The following P2RX7 variants were observed in gnomAD, a reference collection of about 807,000 sequenced individuals.
P2RX7 encodes purinergic receptor P2X 7.
P2RX7 carries 62 observed loss-of-function variants against 71.6 expected under a neutral mutation model. That is an observed-to-expected ratio of 0.87 (90% CI 0.71 to 1.07). P2RX7 has a LOEUF of 1.07. Among genes scored for constraint, P2RX7 ranks in the 50% least tolerant of loss-of-function variants. P2RX7 has a pLI of 0.00. For synonymous variants in P2RX7, 299 were observed against 283.3 expected (o/e 1.06, Z -0.56); for missense variants, 686 against 748.5 (o/e 0.92, Z 0.97).
intron 8 of P2RX7, among the ~76,000 whole-genome samples, chr12:121,172,012 C>T (rs1882297303): frequency 6.6e-6 from 1 of 152,066 alleles, no homozygotes; most frequent in South Asian, 2.1e-4. Flanking sequence ...CAGGTGCCCG[C>T]CACCACACCC....
intron 2 of P2RX7, chr12:121,155,171 A>G: frequency 1.3e-6 from 2 of 1,497,422 alleles, no homozygotes; most frequent in African/African-American, 1.4e-5. Context: ...GGTTTCTCAA[A>G]ATAGCCTCAT....
At chr12:121,162,333 G>C in intron 4 of P2RX7, 91 bp from the exon 5 acceptor site, 2 of 1,534,556 alleles carry the variant, frequency 1.3e-6, no homozygotes, top group Non-Finnish European at 1.8e-6. Context: ...CTAGTCTCTC[G>C]CCCGGGTTGA....
At chr12:121,175,672 G>C (rs1328652900) in intron 9 of P2RX7, among the ~76,000 whole-genome samples, 194 bp downstream of exon 9, 1 of 152,156 alleles carries the variant, frequency 6.6e-6, no homozygotes, top group Non-Finnish European at 1.5e-5. Context: ...GAGTACAGGA[G>C]TGGGCCTGGA....
intron 1 of P2RX7, among the ~76,000 whole-genome samples, chr12:121,147,914 A>G (rs1404561353): frequency 6.6e-6 from 1 of 152,038 alleles, no homozygotes; most frequent in Non-Finnish European, 1.5e-5. Context: ...AGCCCAGCCA[A>G]AATGGGCCGT....
At position 121,177,155 on chromosome 12, in the gene P2RX7, A is replaced by C; in HGVS notation, c.981A>C (p.Lys327Asn). 1.2e-6 allele frequency: 2 copies of C among 1,614,086 alleles called. No individual in the cohort carries two copies. The highest frequency in any genetic ancestry group is 2.2e-5 in the East Asian group (1 of 44,882). ...TCCCACTCTGTTTTTAGGGAGGAAAATTTGACATTATCCAGCTGGTTGTGT... is the reference window on the plus strand; with the variant it reads ...TCCCACTCTGTTTTTAGGGAGGAAACTTTGACATTATCCAGCTGGTTGTGT... ...FDILVFGTGG[K>N]FDIIQLVVYI... is the part of the protein sequence containing the mutation. The change falls in exon 10 of 13, where the codon AAA becomes AAC. Residue 327 changes from lysine (K) to asparagine (N), a missense_variant. Lys to Asn is a moderately conservative substitution (Grantham distance 94, BLOSUM62 0). Coordinates refer to ENST00000328963, the MANE Select transcript of P2RX7 (RefSeq NM_002562.6).
chr12:121,165,346 C>T lies in P2RX7; in HGVS notation c.534-11C>T, dbSNP rs1373862267. ...CGTCACTAATGGCCATTTTGCATGT[C>T]TCTCTCCCAGGCCTGCTCTCTTGAA... is the stretch of plus-strand genomic sequence containing the variant. On this transcript the variant is annotated splice_polypyrimidine_tract_variant and intron_variant, in intron 5 of 12. Coordinates refer to ENST00000328963, the MANE Select transcript of P2RX7 (RefSeq NM_002562.6). 1 of 1,612,456 alleles carries T rather than the reference C, an allele frequency of 6.2e-7. No homozygotes were observed. The highest frequency in any genetic ancestry group is 8.5e-7 in the Non-Finnish European group (1 of 1,178,686).
chr12:121,167,611 G>C lies in P2RX7; in HGVS notation c.868G>C (p.Gly290Arg), dbSNP rs202075483. The C allele has an allele frequency of 4.9e-5, 78 of 1,586,440 alleles. 2 individuals carry two copies. The highest frequency in any genetic ancestry group is 3.4e-4 in the Middle Eastern group (2 of 5,968). The change falls in exon 8 of 13, where the codon GGC (glycine) becomes CGC (arginine). Residue 290 changes from glycine (G) to arginine (R), a missense_variant. Gly to Arg is a moderately radical substitution (Grantham distance 125, BLOSUM62 -2). Coordinates refer to ENST00000328963, the MANE Select transcript of P2RX7 (RefSeq NM_002562.6). ...GACCACCAACGTGTCCTTGTACCCT[G>C]GCTACAACTTCAGGTAACTCCAAGG... ...DKTTNVSLYP[G>R]YNFRYAKYYK...
At chr12:121,133,223 C>A in intron 1 of P2RX7, 128 bp downstream of exon 1, 1 of 1,093,314 alleles carries the variant, frequency 9.1e-7, no homozygotes, top group Non-Finnish European at 1.4e-6. Context: ...CTCTCACAGC[C>A]AGCTGGGCGG....
At chr12:121,159,417 CAA>C (rs397850013) in intron 3 of P2RX7, among the ~76,000 whole-genome samples, 18 of 65,744 alleles carry the variant, frequency 2.7e-4, no homozygotes, top group Non-Finnish European at 2.5e-4. Context: ...ACTCTGTCTC[CAA>C]AAAAAAAAAA....
intron 12 of P2RX7, among the ~76,000 whole-genome samples, chr12:121,183,434 G>T (rs1457567823): frequency 2.0e-5 from 3 of 150,566 alleles, no homozygotes. Flanking sequence ...AGCCGGGTGT[G>T]GTGGTGCGCG....
chr12:121,168,218 T>C (rs1020529435), intron 8 of P2RX7, among the ~76,000 whole-genome samples: 1 of 151,970 alleles, frequency 6.6e-6, no homozygotes, highest in Non-Finnish European at 1.5e-5. Context: ...TAACATTCCA[T>C]TTTGTAGGTG....
At position 121,133,021 on chromosome 12, in the gene P2RX7, A is replaced by G; in HGVS notation, c.51A>G (p.Lys17=). 6.2e-7 allele frequency: 1 copy of G among 1,614,040 alleles called. No homozygotes were observed. Among genetic ancestry groups the G allele is most frequent in the African/African-American group, 1.3e-5 (1 of 75,008 alleles). Residue 17 remains lysine (K), a synonymous_variant, in exon 1 of 13, where the codon AAA becomes AAG. Transcript: ENST00000328963. ...ATGTTTTCCAGTATGAGACGAACAAAGTCACTCGGATCCAGAGCATGAATT... is the reference window on the plus strand; with the variant it reads ...ATGTTTTCCAGTATGAGACGAACAAGGTCACTCGGATCCAGAGCATGAATT... ...CSDVFQYETN[K]VTRIQSMNYG...
At chr12:121,177,049 T>G in intron 9 of P2RX7, 98 bp from the exon 10 acceptor site, 1 of 1,019,358 alleles carries the variant, frequency 9.8e-7, no homozygotes, top group Non-Finnish European at 1.5e-6. Context: ...AGTCACAGCA[T>G]GAGGCTCCGC....
At position 121,167,529 on chromosome 12, in the gene P2RX7, A is replaced by T; in HGVS notation, c.786A>T (p.Leu262=). The change falls in exon 8 of 13, where the codon CTA becomes CTT. Residue 262 remains leucine (L), a synonymous_variant. Transcript: ENST00000328963. ...TTGAGATCTACTGGGACTGCAACCT[A>T]GACCGTTGGTTCCATCACTGCCGTC... ...MGIEIYWDCN[L]DRWFHHCRPK... 4 of 1,613,894 alleles carry T rather than the reference A, an allele frequency of 2.5e-6. No individual in the cohort carries two copies. The highest frequency in any genetic ancestry group is 3.4e-6 in the Non-Finnish European group (4 of 1,179,878).
Position 121,154,276 on chromosome 12 carries a change from G to A in P2RX7, c.126-509G>A, listed in dbSNP as rs1475945417. ...TTGCACTCCAGTCTGGGCAACAAGA[G>A]CAAAACTCTGTTTCAAAAAAAAAAA... On this transcript the variant is annotated intron_variant, in intron 1 of 12. Transcript: ENST00000328963. The surrounding 1 kb of genome is among the most constrained non-coding windows in gnomAD (Gnocchi z 4.2). Among the ~76,000 whole-genome samples the A allele has an allele frequency of 6.7e-6, 1 of 149,058 alleles. No individual in the cohort carries two copies. The highest frequency in any genetic ancestry group is 1.5e-5 in the Non-Finnish European group (1 of 67,574).
At chr12:121,175,320 A>AAAAAAAAC in intron 8 of P2RX7, 68 bp from the exon 9 acceptor site, 1 of 961,048 alleles carries the variant, frequency 1.0e-6, no homozygotes, top group Non-Finnish European at 1.6e-6. Context: ...CAAAAAAAAA[A>AAAAAAAAC]AAAAAAAAAC....
intron 12 of P2RX7, among the ~76,000 whole-genome samples, chr12:121,181,422 C>CAG (rs1287326057): frequency 6.6e-6 from 1 of 152,152 alleles, no homozygotes; most frequent in African/African-American, 2.4e-5. Context: ...AGTCATAAGG[C>CAG]AGACATATGT....
intron 3 of P2RX7, among the ~76,000 whole-genome samples, chr12:121,157,792 G>A (rs1245809178): frequency 6.6e-6 from 1 of 152,254 alleles, no homozygotes; most frequent in Admixed American, 6.5e-5. Flanking sequence ...GTGCCAAGTT[G>A]TGTGCATCTG....
Position 121,185,052 on chromosome 12 carries a change from T to G in P2RX7, c.*250T>G. 1 of 370,876 alleles carries G rather than the reference T, an allele frequency of 2.7e-6. No individual in the cohort carries two copies. Among genetic ancestry groups the G allele is most frequent in the Non-Finnish European group, 4.9e-6 (1 of 205,644 alleles). The allele number at this position is 370,876 out of a possible 1,614,324, so 23.0% of individuals were successfully genotyped here. On this transcript the variant is annotated 3_prime_UTR_variant, in exon 13 of 13. Transcript: ENST00000328963. ...GTGAGCCCAGATTGTGCCACTGCTC[T>G]CCAGCCTGGGAGGCACAGCAAACTG...
Sources: gnomAD v4.1 joint callset for allele counts (sites outside exome capture counted in the v4.1 genomes callset) on GRCh38, gnomAD v4.1.1 for gene constraint, Gnocchi (gnomAD v3.1) non-coding constraint, MANE v1.5 for transcripts, NCBI Gene and HGNC (gene_info 2026-07-23, HGNC 2026-07-21) for gene names.